The following PECR variants were observed in gnomAD, a reference collection of about 807,000 sequenced individuals.
PECR encodes the protein peroxisomal trans-2-enoyl-CoA reductase.
Under a neutral mutation model 35.3 loss-of-function variants are expected in PECR, and 30 were observed. That is an observed-to-expected ratio of 0.85 (90% CI 0.64 to 1.15). PECR has a LOEUF of 1.15. Among genes scored for constraint, PECR ranks in the 50% most tolerant of loss-of-function variants. The pLI is 0.00. For synonymous variants in PECR, 148 were observed against 138.9 expected, an observed-to-expected ratio of 1.07 and a Z score of -0.46; for missense variants, 392 against 370.8, an observed-to-expected ratio of 1.06 and a Z score of -0.47.
chr2:216,043,195 C>G (rs184244409), intron 7 of PECR, among the ~76,000 whole-genome samples: 53 of 151,658 alleles, frequency 3.5e-4, no homozygotes, highest in Non-Finnish European at 4.9e-4. Flanking sequence ...GCAACCTCCG[C>G]CTCCCGGGTT....
rs1018208745 is a variant in PECR at position 216,040,968 on chromosome 2, T to C, written c.827-1608A>G. 3.3e-5 allele frequency among the ~76,000 whole-genome samples: 5 copies of C among 152,042 alleles called. No individual in the cohort carries two copies. In the South Asian group the frequency reaches 1.0e-3, roughly 32 times the overall value. The stretch of plus-strand genomic sequence containing the variant: ...TGTGTCCCTGCATACAGGAACAAAA[T>C]AGAGGCTTATAGAAATTAACTTTCT... On this transcript the variant is annotated intron_variant, in intron 7 of 7. Transcript: ENST00000265322.
intron 7 of PECR, among the ~76,000 whole-genome samples, chr2:216,042,405 C>T (rs1694903298): frequency 1.3e-5 from 2 of 152,224 alleles, no homozygotes; most frequent in Non-Finnish European, 2.9e-5. Context: ...AGACTGTCAG[C>T]ACCTGAAAGA....
intron 6 of PECR, among the ~76,000 whole-genome samples, chr2:216,047,911 G>T (rs962888889): frequency 3.3e-5 from 5 of 150,826 alleles, no homozygotes; most frequent in African/African-American, 4.9e-5. Flanking sequence ...AGAAAAAGGG[G>T]TTTTTTTGTT....
intron 1 of PECR, among the ~76,000 whole-genome samples, chr2:216,079,151 C>CTT (rs77646025): frequency 2.0e-4 from 20 of 99,394 alleles, no homozygotes; most frequent in South Asian, 6.9e-4. Flanking sequence ...AATGTTTTTG[C>CTT]TTTTTTTTTT....
At position 216,068,999 on chromosome 2, in the gene PECR, C is replaced by T. The variant is rs997789132; in HGVS notation, c.125-2481G>A. Among the ~76,000 whole-genome samples the T allele has an allele frequency of 8.6e-5, 13 of 152,018 alleles. No homozygotes were observed. In the East Asian group the frequency reaches 2.5e-3, roughly 29 times the overall value. ...GAAATAAAATGATTCCCTCCTTCTC[C>T]TTGAGAATAATAGCACAATGGCTAA... On this transcript the variant is annotated intron_variant, in intron 1 of 7. Coordinates refer to ENST00000265322, the MANE Select transcript of PECR (RefSeq NM_018441.6).
chr2:216,074,127 T>C (rs1695639167), intron 1 of PECR, among the ~76,000 whole-genome samples: 1 of 152,182 alleles, frequency 6.6e-6, no homozygotes, highest in African/African-American at 2.4e-5. Flanking sequence ...GAGTAGGGCA[T>C]AGGCTCTATA....
At chr2:216,074,515 AG>A (rs1349483723) in intron 1 of PECR, among the ~76,000 whole-genome samples, 8 of 146,220 alleles carry the variant, frequency 5.5e-5, no homozygotes, top group African/African-American at 1.8e-4. Context: ...GAAGGAAGGA[AG>A]GAAGGAAGGA....
Position 216,075,791 on chromosome 2 carries a change from T to C in PECR, c.124+5827A>G, listed in dbSNP as rs116762204. Among the ~76,000 whole-genome samples the C allele has an allele frequency of 4.5e-3, 681 of 152,306 alleles. 8 individuals carry two copies. Among genetic ancestry groups the C allele is most frequent in the African/African-American group, 0.015 (639 of 41,556 alleles). On this transcript the variant is annotated intron_variant, in intron 1 of 7. Coordinates refer to ENST00000265322, the MANE Select transcript of PECR (RefSeq NM_018441.6). ...ATTTATTCAGCACCTTCTTGGTCCC[T>C]GGTGTTGGTAACAGGCTAGTTAGAC...
intron 7 of PECR, chr2:216,033,046 A>G (rs1171277273): frequency 6.6e-6 from 1 of 152,216 alleles, no homozygotes; most frequent in Non-Finnish European, 1.5e-5. Flanking sequence ...TTTTCATTTT[A>G]CACATTTTAA....
At chr2:216,054,846 C>T (rs1330778789) in intron 4 of PECR, among the ~76,000 whole-genome samples, 3 of 152,094 alleles carry the variant, frequency 2.0e-5, no homozygotes, top group Non-Finnish European at 4.4e-5. Context: ...GGCGTGGTGG[C>T]TCACGCCTGT....
chr2:216,055,478 A>C (rs184806365), intron 4 of PECR, among the ~76,000 whole-genome samples: 11 of 152,152 alleles, frequency 7.2e-5, no homozygotes, highest in East Asian at 1.9e-4. Flanking sequence ...AACAAACAAA[A>C]AAAAACACTT....
At chr2:216,079,815 C>A (rs1481447975) in intron 1 of PECR, among the ~76,000 whole-genome samples, 1 of 149,548 alleles carries the variant, frequency 6.7e-6, no homozygotes, top group African/African-American at 2.4e-5. Flanking sequence ...AACCCCATCT[C>A]TACTAAAAAT....
chr2:216,078,857 C>T (rs971056386), intron 1 of PECR, among the ~76,000 whole-genome samples: 1 of 150,768 alleles, frequency 6.6e-6, no homozygotes, highest in East Asian at 1.9e-4. Flanking sequence ...CATATTTATG[C>T]AACAGGATGA....
At chr2:216,078,317 C>A (rs923679957) in intron 1 of PECR, among the ~76,000 whole-genome samples, 7 of 151,618 alleles carry the variant, frequency 4.6e-5, no homozygotes, top group African/African-American at 1.5e-4. Flanking sequence ...TTGATTCTGG[C>A]ATAAAAAAAT....
intron 1 of PECR, among the ~76,000 whole-genome samples, chr2:216,081,161 C>T (rs758026809): frequency 5.9e-5 from 9 of 152,118 alleles, no homozygotes; most frequent in Non-Finnish European, 1.3e-4. Flanking sequence ...CCTTCCTTCA[C>T]CCAAGTTAAG....
intron 3 of PECR, among the ~76,000 whole-genome samples, chr2:216,062,898 T>C (rs1464840234): frequency 3.3e-5 from 5 of 152,258 alleles, no homozygotes; most frequent in Non-Finnish European, 7.3e-5. Context: ...CAACATGCTA[T>C]ACAGGTTTGT....
rs71047969 is a variant in PECR at position 216,048,384 on chromosome 2, TAAA to T, written c.714+876_714+878del. Among the ~76,000 whole-genome samples, 877 of 132,856 alleles carry T rather than the reference TAAA, an allele frequency of 6.6e-3. 12 individuals are homozygous for T. Among genetic ancestry groups the T allele is most frequent in the African/African-American group, 0.023 (803 of 35,584 alleles). 87.2% of individuals were successfully genotyped at this position (132,856 alleles called of 152,430 possible). A position where few individuals can be genotyped will look rare whatever the true frequency, so the allele number is the denominator to read the frequency against. On this transcript the variant is annotated intron_variant, in intron 6 of 7. Coordinates refer to ENST00000265322, the MANE Select transcript of PECR (RefSeq NM_018441.6). Reference sequence around the variant, plus strand: ...GCCACTGCGCCTGGCCTTGTTTTCTTAAAAAAAAAAAAAAAAAAAAATTGCATT... The same window carrying T: ...GCCACTGCGCCTGGCCTTGTTTTCTTAAAAAAAAAAAAAAAAAATTGCATT...
At chr2:216,046,465 C>A (rs1694999623) in intron 6 of PECR, among the ~76,000 whole-genome samples, 1 of 151,636 alleles carries the variant, frequency 6.6e-6, no homozygotes, top group African/African-American at 2.4e-5. Flanking sequence ...CATATGCCAC[C>A]ATGCTTGGCT....
intron 7 of PECR, among the ~76,000 whole-genome samples, chr2:216,032,390 T>C (rs551247333): frequency 6.6e-6 from 1 of 152,350 alleles, no homozygotes; most frequent in African/African-American, 2.4e-5. Flanking sequence ...GCATATGAAC[T>C]CAGGTACAAC....
Sources: allele counts gnomAD v4.1 joint callset (sites outside exome capture counted in the v4.1 genomes callset), GRCh38; gene constraint gnomAD v4.1.1; transcripts MANE v1.5; gene names NCBI Gene and HGNC (gene_info 2026-07-23, HGNC 2026-07-21).